PDZK1: variants seen among roughly 807,000 people sequenced by gnomAD.
PDZK1 encodes PDZ domain containing 1, also known as Na(+)/H(+) exchange regulatory cofactor NHE-RF3.
A neutral mutation model predicts 38.1 loss-of-function variants in PDZK1; 23 were observed. The observed-to-expected ratio is 0.60, with a 90% CI of 0.43 to 0.85. PDZK1 has a LOEUF of 0.85. PDZK1 is among the 40% of genes least tolerant of loss of function. PDZK1 has a pLI of 0.00. For missense variants in PDZK1, 297 were observed against 504.3 expected (o/e 0.59, Z 3.94); for synonymous variants, 98 against 186.2 (o/e 0.53, Z 3.86).
rs781982598 is a variant in PDZK1 at position 145,687,981 on chromosome 1, T to C, written c.41A>G (p.Lys14Arg). The C allele has an allele frequency of 1.2e-6, 2 of 1,612,530 alleles. No individual in the cohort carries two copies. Among genetic ancestry groups the C allele is most frequent in the Non-Finnish European group, 1.7e-6 (2 of 1,179,656 alleles). The change falls in exon 2 of 9, where the codon AAG becomes AGG. Residue 14 changes from lysine to arginine, a missense_variant. Lys to Arg is a conservative substitution (Grantham distance 26). Around this residue, in one of 5 missense-constraint regions of PDZK1, gnomAD observed 159 missense variants for 200.0 expected, o/e 0.79. Coordinates refer to ENST00000417171, the MANE Select transcript of PDZK1 (RefSeq NM_001201325.2). ...TFNPRECKLS[K>R]QEGQNYGFFL... is the part of the protein sequence containing the mutation. ...GAAGCCATAGTTTTGCCCTTCTTGC[T>C]TGGACAGTTTACATTCTCGGGGGTT...
intron 1 of PDZK1, among the ~76,000 whole-genome samples, chr1:145,702,822 G>C (rs1656038696): frequency 6.6e-6 from 1 of 152,214 alleles, no homozygotes; most frequent in Non-Finnish European, 1.5e-5. Flanking sequence ...GAACCCAAGA[G>C]GCGGAGCTTG....
intron 2 of PDZK1, among the ~76,000 whole-genome samples, chr1:145,687,512 G>A (rs1280223382): frequency 6.1e-5 from 6 of 98,296 alleles, no homozygotes; most frequent in Admixed American, 2.9e-4. Flanking sequence ...GTGAAAGAGC[G>A]AAACTCCATC....
intron 1 of PDZK1, among the ~76,000 whole-genome samples, chr1:145,703,026 C>G (rs1055932332): frequency 6.6e-6 from 1 of 152,316 alleles, no homozygotes; most frequent in African/African-American, 2.4e-5. Flanking sequence ...GCCCTTTGCT[C>G]ATGCCCCATG....
chr1:145,693,526 T>G (rs1320184916), intron 1 of PDZK1, among the ~76,000 whole-genome samples: 1 of 149,328 alleles, frequency 6.7e-6, no homozygotes, highest in African/African-American at 2.6e-5. Context: ...CTCAGCACTT[T>G]GGGAGGCCGA....
chr1:145,703,264 T>C (rs991667290), intron 1 of PDZK1, among the ~76,000 whole-genome samples: 2 of 152,166 alleles, frequency 1.3e-5, no homozygotes, highest in Non-Finnish European at 2.9e-5. Context: ...CAACCCAGAA[T>C]AGCTACCGTC....
At chr1:145,701,346 A>G (rs1553704957) in intron 1 of PDZK1, among the ~76,000 whole-genome samples, 1 of 151,308 alleles carries the variant, frequency 6.6e-6, no homozygotes, top group Admixed American at 6.6e-5. Context: ...GCATAAGGAA[A>G]AGAAAGGGCA....
At chr1:145,682,773 C>T (rs1553700667) in intron 3 of PDZK1, 137 bp from the exon 4 acceptor site, 5 of 1,174,610 alleles carry the variant, frequency 4.3e-6, no homozygotes, top group Non-Finnish European at 4.9e-6. Flanking sequence ...TGTCCCTAGT[C>T]TAAGAACATG....
At chr1:145,699,012 C>G (rs1655795251) in intron 1 of PDZK1, among the ~76,000 whole-genome samples, 2 of 150,772 alleles carry the variant, frequency 1.3e-5, no homozygotes, top group African/African-American at 4.9e-5. Context: ...CCGAGGCAGG[C>G]GGATCACCTG....
Position 145,686,699 on chromosome 1 carries a change from T to G in PDZK1, c.238A>C (p.Asn80His), listed in dbSNP as rs1553701847. 1 of 1,549,424 alleles carries G rather than the reference T, an allele frequency of 6.5e-7. No individual in the cohort carries two copies. The highest frequency in any genetic ancestry group is 1.4e-5 in the African/African-American group (1 of 73,256). ...QVVDLVRKSGNSVTLLVLDGD... is the reference protein window; with the variant it reads ...QVVDLVRKSGHSVTLLVLDGD... The stretch of plus-strand genomic sequence containing the variant: ...TCCAGAACTAGTAAAGTCACTGAAT[T>G]CCCACTCTTTCTGACCAGATCCACA... The change falls in exon 3 of 9, where the codon AAT becomes CAT. Residue 80 changes from asparagine to histidine, a missense_variant. By Grantham distance (68) the Asn-to-His change is moderately conservative. Transcript: ENST00000417171.
Position 145,673,103 on chromosome 1 carries a change from G to A in PDZK1, c.1216-83C>T. ...CTCTCCTTAAGAGAATAGATGAGGA[G>A]CTCAAGAATTTATTTTTAATCATGT... On this transcript the variant is annotated intron_variant, in intron 7 of 8. Coordinates refer to ENST00000417171, the MANE Select transcript of PDZK1 (RefSeq NM_001201325.2). 29 of 1,305,284 alleles carry A rather than the reference G, an allele frequency of 2.2e-5. No individual in the cohort carries two copies. In the Middle Eastern group the frequency reaches 8.0e-4, roughly 36 times the overall value. The allele number at this position is 1,305,284 out of a possible 1,614,324, so 80.9% of individuals were successfully genotyped here. A position where few individuals can be genotyped will look rare whatever the true frequency, so the allele number is the denominator to read the frequency against.
chr1:145,707,164 G>A (rs922412822), intron 1 of PDZK1, among the ~76,000 whole-genome samples, 153 bp downstream of exon 1: 12 of 151,970 alleles, frequency 7.9e-5, no homozygotes, highest in African/African-American at 2.9e-4. Flanking sequence ...CCCAACCACC[G>A]CCAAAGGGGC....
intron 5 of PDZK1, among the ~76,000 whole-genome samples, chr1:145,679,935 CCTGA>C (rs1200449732): frequency 2.0e-5 from 3 of 152,190 alleles, no homozygotes; most frequent in African/African-American, 7.2e-5. Flanking sequence ...GCCAGTGTCT[CCTGA>C]CTGTGTTCAC....
At chr1:145,701,544 A>G (rs1655959727) in intron 1 of PDZK1, among the ~76,000 whole-genome samples, 1 of 152,116 alleles carries the variant, frequency 6.6e-6, no homozygotes, top group African/African-American at 2.4e-5. Flanking sequence ...AAAGAAGAAA[A>G]CAAACCCACT....
intron 1 of PDZK1, among the ~76,000 whole-genome samples, chr1:145,696,524 A>G (rs1285193186): frequency 1.3e-5 from 2 of 152,226 alleles, no homozygotes; most frequent in Non-Finnish European, 2.9e-5. Context: ...AGAGGAAGAG[A>G]CATCAGAGAG....
chr1:145,707,281 G>C (rs1452208719), intron 1 of PDZK1, 36 bp downstream of exon 1: 6 of 152,484 alleles, frequency 3.9e-5, no homozygotes, highest in African/African-American at 7.2e-5. Flanking sequence ...GGCCCCGGTG[G>C]CCAGCACCCT....
chr1:145,697,898 ATGAGCCAC>A lies in PDZK1; in HGVS notation c.-3+9411_-3+9418del, dbSNP rs1553704416. Among the ~76,000 whole-genome samples, 4 of 148,910 alleles carry A rather than the reference ATGAGCCAC, an allele frequency of 2.7e-5. No homozygotes were observed. The East Asian group carries it at 8.0e-4, about 30-fold the overall frequency. Reference sequence around the variant, plus strand: ...CTCCCAAAGTGCTGGGATTACAGGCATGAGCCACTGCACCCAGCCTGGATGTTTTTATT... The same window carrying A: ...CTCCCAAAGTGCTGGGATTACAGGCATGCACCCAGCCTGGATGTTTTTATT... On this transcript the variant is annotated intron_variant, in intron 1 of 8. Coordinates refer to ENST00000417171, the MANE Select transcript of PDZK1 (RefSeq NM_001201325.2).
At chr1:145,687,336 G>A (rs1369899696) in intron 2 of PDZK1, among the ~76,000 whole-genome samples, 2 of 150,416 alleles carry the variant, frequency 1.3e-5, no homozygotes, top group East Asian at 1.9e-4. Flanking sequence ...TGGCTAACAC[G>A]GTGAAACCCC....
intron 2 of PDZK1, among the ~76,000 whole-genome samples, 168 bp downstream of exon 2, chr1:145,687,644 C>T (rs1553702113): frequency 6.6e-6 from 1 of 151,874 alleles, no homozygotes; most frequent in Non-Finnish European, 1.5e-5. Context: ...CTTGGTTCCT[C>T]ATAGGGGACT....
chr1:145,672,621 T>G, intron 8 of PDZK1, 109 bp downstream of exon 8: 1 of 1,417,640 alleles, frequency 7.1e-7, no homozygotes, highest in Non-Finnish European at 9.6e-7. Context: ...CATTTTCATT[T>G]TCTAGTTTTA....
Sources: gnomAD v4.1 joint callset for allele counts (sites outside exome capture counted in the v4.1 genomes callset) on GRCh38, gnomAD v4.1.1 for gene constraint, gnomAD v4.1.1 regional missense constraint, MANE v1.5 for transcripts, NCBI Gene and HGNC (gene_info 2026-07-23, HGNC 2026-07-21) for gene names.